The following ANGPT1 variants were observed in gnomAD, a reference collection of about 807,000 sequenced individuals.
ANGPT1 encodes the protein angiopoietin 1.
A neutral mutation model predicts 62.2 loss-of-function variants in ANGPT1; 17 were observed. The observed-to-expected ratio is 0.27, with a 90% CI of 0.19 to 0.41. The LOEUF is 0.41. ANGPT1 is among the 10% of genes least tolerant of loss of function. ANGPT1 has a pLI of 1.00. For missense variants in ANGPT1, 478 were observed against 594.9 expected, an observed-to-expected ratio of 0.80 and a Z score of 2.04; for synonymous variants, 199 against 198.9, an observed-to-expected ratio of 1.00 and a Z score of 0.00.
intron 1 of ANGPT1, among the ~76,000 whole-genome samples, chr8:107,411,693 A>G (rs1393833791): frequency 1.3e-5 from 2 of 152,328 alleles, no homozygotes; most frequent in East Asian, 1.9e-4. Flanking sequence ...TTTAATGGCT[A>G]TTTAAAAATA....
intron 1 of ANGPT1, among the ~76,000 whole-genome samples, chr8:107,360,994 C>T (rs1299899703): frequency 6.6e-6 from 1 of 152,144 alleles, no homozygotes; most frequent in Non-Finnish European, 1.5e-5. Context: ...ATTATCTTTG[C>T]TGAAAAGCAT....
chr8:107,400,811 C>T (rs747597738), intron 1 of ANGPT1, among the ~76,000 whole-genome samples: 1 of 152,058 alleles, frequency 6.6e-6, no homozygotes, highest in Non-Finnish European at 1.5e-5. Context: ...CCGTCCACCT[C>T]GGCCTCCCAA....
At chr8:107,366,981 TTCCAACAAC>T (rs1341633689) in intron 1 of ANGPT1, among the ~76,000 whole-genome samples, 1 of 152,066 alleles carries the variant, frequency 6.6e-6, no homozygotes, top group African/African-American at 2.4e-5. Flanking sequence ...AACTGAGGCC[TTCCAACAAC>T]AACGGGGGAA....
At chr8:107,421,456 AG>A (rs1296516443) in intron 1 of ANGPT1, among the ~76,000 whole-genome samples, 1 of 152,242 alleles carries the variant, frequency 6.6e-6, no homozygotes, top group African/African-American at 2.4e-5. Context: ...AAGACAGTAA[AG>A]TCTCACTTTT....
At chr8:107,379,164 G>A (rs1816587695) in intron 1 of ANGPT1, among the ~76,000 whole-genome samples, 1 of 152,088 alleles carries the variant, frequency 6.6e-6, no homozygotes, top group Non-Finnish European at 1.5e-5. Context: ...AGAATTGTCA[G>A]GGCCTGATAA....
At chr8:107,289,218 A>G (rs1483100768) in intron 6 of ANGPT1, among the ~76,000 whole-genome samples, 1 of 152,182 alleles carries the variant, frequency 6.6e-6, no homozygotes, top group Admixed American at 6.5e-5. Flanking sequence ...ATGCTGACTT[A>G]AAATTGGCCT....
chr8:107,297,413 T>C (rs1215197765), intron 5 of ANGPT1, among the ~76,000 whole-genome samples: 6 of 151,928 alleles, frequency 3.9e-5, no homozygotes, highest in Non-Finnish European at 7.4e-5. Flanking sequence ...GCATATAGAA[T>C]TTTTAGAACA....
intron 1 of ANGPT1, among the ~76,000 whole-genome samples, chr8:107,425,450 G>A (rs879778024): frequency 6.6e-5 from 10 of 152,116 alleles, no homozygotes; most frequent in Non-Finnish European, 1.3e-4. Context: ...TTATGGAAGA[G>A]CCCCACATGT....
chr8:107,352,021 T>A lies in ANGPT1; in HGVS notation c.298-4924A>T, dbSNP rs551051226. ...GGGAAGTTAAGTAAACTGTCTAAGA[T>A]CATACAGTGGGTTTTTGGCAGAGCT... On this transcript the variant is annotated intron_variant, in intron 1 of 8. Coordinates refer to ENST00000517746, the MANE Select transcript of ANGPT1 (RefSeq NM_001146.5). Among the ~76,000 whole-genome samples the A allele has an allele frequency of 5.9e-5, 9 of 152,250 alleles. 1 individual carries two copies. The highest frequency in any genetic ancestry group is 2.2e-4 in the African/African-American group (9 of 41,580).
chr8:107,344,024 G>A (rs1815751220), intron 2 of ANGPT1, among the ~76,000 whole-genome samples: 1 of 152,134 alleles, frequency 6.6e-6, no homozygotes, highest in Non-Finnish European at 1.5e-5. Flanking sequence ...ATCAGCCACT[G>A]CACTCCAGCC....
intron 1 of ANGPT1, among the ~76,000 whole-genome samples, chr8:107,355,064 G>T (rs1012010914): frequency 2.3e-5 from 3 of 130,788 alleles, no homozygotes; most frequent in Non-Finnish European, 5.4e-5. Context: ...ACCACGCCTA[G>T]CTAATTTTTG....
chr8:107,261,078 GAA>G (rs138968077), intron 8 of ANGPT1, among the ~76,000 whole-genome samples: 1,690 of 152,024 alleles, frequency 0.011, 27 homozygotes, highest in African/African-American at 0.039. Context: ...TATTTGGTAA[GAA>G]AAAATATCTT....
At chr8:107,275,198 G>A (rs1813835054) in intron 7 of ANGPT1, among the ~76,000 whole-genome samples, 1 of 152,082 alleles carries the variant, frequency 6.6e-6, no homozygotes, top group Admixed American at 6.6e-5. Context: ...ATTGATGTGA[G>A]AAAAGGCCGT....
chr8:107,428,632 TTGTGTGTGTG>T (rs140085272), intron 1 of ANGPT1, among the ~76,000 whole-genome samples: 6 of 149,306 alleles, frequency 4.0e-5, no homozygotes, highest in South Asian at 2.1e-4. Flanking sequence ...TTTTTTCATT[TTGTGTGTGTG>T]TGTGTGTGTG....
chr8:107,299,420 T>TATAA lies in ANGPT1; in HGVS notation c.936+3819_936+3820insTTAT, dbSNP rs1342219214. 3.0e-3 allele frequency among the ~76,000 whole-genome samples: 356 copies of TATAA among 120,396 alleles called. 7 individuals carry two copies. The highest frequency in any genetic ancestry group is 0.021 in the Admixed American group (236 of 11,370). The allele number at this position is 120,396 out of a possible 152,430, so 79.0% of individuals were successfully genotyped here. ...ATATATATATATATATATATATATA[T>TATAA]AAACATACATATATATACTAAGCAT... On this transcript the variant is annotated intron_variant, in intron 5 of 8. Coordinates refer to ENST00000517746, the MANE Select transcript of ANGPT1 (RefSeq NM_001146.5).
intron 2 of ANGPT1, 53 bp downstream of exon 2, chr8:107,346,889 G>GAA: frequency 4.1e-6 from 6 of 1,469,886 alleles, no homozygotes; most frequent in South Asian, 1.4e-5. Flanking sequence ...GAAAGCTAAA[G>GAA]AAAAAAAAAA....
At chr8:107,279,855 G>C (rs1265070325) in intron 7 of ANGPT1, among the ~76,000 whole-genome samples, 2 of 152,070 alleles carry the variant, frequency 1.3e-5, no homozygotes, top group Non-Finnish European at 2.9e-5. Context: ...ATCCTGGATA[G>C]TTATCCAGAG....
At chr8:107,451,316 GACACAC>G (rs138970014) in intron 1 of ANGPT1, among the ~76,000 whole-genome samples, 3 of 148,954 alleles carry the variant, frequency 2.0e-5, no homozygotes, top group African/African-American at 4.9e-5. Context: ...ATACATAACA[GACACAC>G]ACACACACAC....
At chr8:107,473,703 A>T (rs1812425991) in intron 1 of ANGPT1, among the ~76,000 whole-genome samples, 1 of 152,114 alleles carries the variant, frequency 6.6e-6, no homozygotes, top group Non-Finnish European at 1.5e-5. Context: ...CTAATGGAAC[A>T]GTGCAGTGTA....
Sources: allele counts gnomAD v4.1 joint callset (sites outside exome capture counted in the v4.1 genomes callset), GRCh38; gene constraint gnomAD v4.1.1; transcripts MANE v1.5; gene names NCBI Gene and HGNC (gene_info 2026-07-23, HGNC 2026-07-21).